PTPRR: variants seen among roughly 807,000 people sequenced by gnomAD.
PTPRR encodes the protein receptor-type tyrosine-protein phosphatase R.
Under a neutral mutation model 77.2 loss-of-function variants are expected in PTPRR, and 38 were observed. That is an observed-to-expected ratio of 0.49 (90% confidence interval 0.38 to 0.65). The LOEUF is 0.65. PTPRR is among the 30% of genes least tolerant of loss of function. The probability of loss-of-function intolerance (pLI) is 0.00; values close to 1 mark genes in which losing one functional copy is unlikely to be tolerated. For synonymous variants in PTPRR, 299 were observed against 283.1 expected, an observed-to-expected ratio of 1.06 and a Z score of -0.57; for missense variants, 744 against 799.2, an observed-to-expected ratio of 0.93 and a Z score of 0.83.
intron 13 of PTPRR, among the ~76,000 whole-genome samples, chr12:70,648,651 A>C (rs1326358164): frequency 6.6e-6 from 1 of 152,116 alleles, no homozygotes; most frequent in African/African-American, 2.4e-5. Flanking sequence ...TCACACAGAA[A>C]ATTAGGGGGC....
intron 2 of PTPRR, among the ~76,000 whole-genome samples, chr12:70,822,954 T>C (rs569723913): frequency 6.6e-6 from 1 of 152,104 alleles, no homozygotes; most frequent in Non-Finnish European, 1.5e-5. Flanking sequence ...TAGAACCCTT[T>C]CCTCTAAAGC....
intron 2 of PTPRR, among the ~76,000 whole-genome samples, chr12:70,797,506 A>G (rs1012570343): frequency 2.6e-5 from 4 of 152,174 alleles, no homozygotes; most frequent in Admixed American, 6.5e-5. Flanking sequence ...GTTTCCACAT[A>G]AAGTATTTTC....
At chr12:70,908,550 C>T (rs764140999) in intron 1 of PTPRR, among the ~76,000 whole-genome samples, 1 of 152,090 alleles carries the variant, frequency 6.6e-6, no homozygotes, top group Non-Finnish European at 1.5e-5. Flanking sequence ...ACCACAAGAA[C>T]AGGATAGAGG....
At chr12:70,824,358 A>AATAC (rs1230992684) in intron 2 of PTPRR, among the ~76,000 whole-genome samples, 2 of 152,172 alleles carry the variant, frequency 1.3e-5, no homozygotes, top group Non-Finnish European at 2.9e-5. Flanking sequence ...CAATCAGAGG[A>AATAC]ATACATAATT....
chr12:70,719,697 C>T (rs1889173457), intron 6 of PTPRR, among the ~76,000 whole-genome samples: 1 of 152,114 alleles, frequency 6.6e-6, no homozygotes, highest in African/African-American at 2.4e-5. Context: ...CCACGGGCGC[C>T]CAGCTGGAAA....
At chr12:70,759,264 GTGCCC>G (rs1332792541) in intron 4 of PTPRR, among the ~76,000 whole-genome samples, 2 of 152,078 alleles carry the variant, frequency 1.3e-5, no homozygotes, top group African/African-American at 4.8e-5. Flanking sequence ...GTTTTGTTGT[GTGCCC>G]ATTGCATGCC....
intron 1 of PTPRR, among the ~76,000 whole-genome samples, chr12:70,893,451 G>A (rs1893373530): frequency 6.6e-6 from 1 of 151,832 alleles, no homozygotes; most frequent in African/African-American, 2.4e-5. Context: ...GAGTATTTAA[G>A]CTCTCTGAGG....
At chr12:70,776,704 A>G (rs902307325) in intron 2 of PTPRR, among the ~76,000 whole-genome samples, 4 of 151,976 alleles carry the variant, frequency 2.6e-5, no homozygotes, top group Non-Finnish European at 5.9e-5. Flanking sequence ...CCTTTTTGCT[A>G]CCTGGAATCT....
intron 10 of PTPRR, among the ~76,000 whole-genome samples, chr12:70,681,813 G>C (rs1887672207): frequency 6.6e-6 from 1 of 152,100 alleles, no homozygotes; most frequent in Admixed American, 6.6e-5. Flanking sequence ...GCATCAGAAA[G>C]TTTTTGCCTT....
chr12:70,678,201 C>T (rs1887520968), intron 10 of PTPRR, among the ~76,000 whole-genome samples: 1 of 152,114 alleles, frequency 6.6e-6, no homozygotes, highest in South Asian at 2.1e-4. Context: ...CCACCAAGCC[C>T]AGCTAATTTT....
At chr12:70,772,102 G>C (rs953540808) in intron 2 of PTPRR, among the ~76,000 whole-genome samples, 3 of 152,124 alleles carry the variant, frequency 2.0e-5, no homozygotes, top group Non-Finnish European at 4.4e-5. Flanking sequence ...GTAGTTTACT[G>C]TATGTATTTT....
chr12:70,815,060 A>G (rs1891876576), intron 2 of PTPRR, among the ~76,000 whole-genome samples: 1 of 151,956 alleles, frequency 6.6e-6, no homozygotes, highest in Admixed American at 6.6e-5. Context: ...GCATTAAAAC[A>G]GTAATTACAA....
At chr12:70,871,514 G>T (rs1342128756) in intron 2 of PTPRR, among the ~76,000 whole-genome samples, 1 of 152,002 alleles carries the variant, frequency 6.6e-6, no homozygotes, top group African/African-American at 2.4e-5. Context: ...TTAGGACAAG[G>T]GTAGGAATCT....
chr12:70,799,115 G>A (rs750666180), intron 2 of PTPRR, among the ~76,000 whole-genome samples: 3 of 152,082 alleles, frequency 2.0e-5, no homozygotes, highest in East Asian at 1.9e-4. Flanking sequence ...TCTAAGATCC[G>A]CTTACCTCCC....
At chr12:70,743,305 T>C (rs1026908705) in intron 6 of PTPRR, among the ~76,000 whole-genome samples, 2 of 152,158 alleles carry the variant, frequency 1.3e-5, no homozygotes, top group African/African-American at 2.4e-5. Context: ...AGTGAGACCA[T>C]TGATAATTAA....
At chr12:70,658,025 A>G (rs1040951083) in intron 12 of PTPRR, among the ~76,000 whole-genome samples, 7 of 152,190 alleles carry the variant, frequency 4.6e-5, no homozygotes, top group African/African-American at 2.4e-5. Context: ...AAACCTATAG[A>G]TGGCTCCATT....
chr12:70,702,325 GTGTT>G (rs1237604953), intron 6 of PTPRR, among the ~76,000 whole-genome samples: 1 of 151,996 alleles, frequency 6.6e-6, no homozygotes, highest in Non-Finnish European at 1.5e-5. Context: ...GTCAGAGATG[GTGTT>G]TACAAAAACT....
At chr12:70,918,558 A>G (rs1382996079) in intron 1 of PTPRR, among the ~76,000 whole-genome samples, 2 of 152,234 alleles carry the variant, frequency 1.3e-5, no homozygotes, top group Non-Finnish European at 2.9e-5. Flanking sequence ...TCATCTGATG[A>G]GCAAAAGTCC....
rs142123021 is a variant in PTPRR at position 70,857,907 on chromosome 12, T to C, written c.357+34772A>G. ...TATAAGCCAGAAGTTGGGGCATTTC[T>C]CTAGGGATGTGGCAGCCATGGGGTT... On this transcript the variant is annotated intron_variant, in intron 2 of 13. Transcript: ENST00000283228. Among the ~76,000 whole-genome samples, 446 of 152,274 alleles carry C rather than the reference T, an allele frequency of 2.9e-3. 4 individuals are homozygous for C. Among genetic ancestry groups the C allele is most frequent in the African/African-American group, 0.01 (427 of 41,572 alleles).
Sources: allele counts gnomAD v4.1 joint callset (sites outside exome capture counted in the v4.1 genomes callset), GRCh38; gene constraint gnomAD v4.1.1; transcripts MANE v1.5; gene names NCBI Gene and HGNC (gene_info 2026-07-23, HGNC 2026-07-21).